The following RBKS variants were observed in gnomAD, a reference collection of about 807,000 sequenced individuals.
RBKS encodes the protein ribokinase.
A neutral mutation model predicts 33.9 loss-of-function variants in RBKS; 33 were observed. That is an observed-to-expected ratio of 0.97 (90% CI 0.74 to 1.30). RBKS has a LOEUF of 1.30. Ranked by LOEUF, RBKS falls within the 50% of genes most tolerant of loss-of-function variation. The pLI is 0.00. For missense variants in RBKS, 361 were observed against 392.6 expected, an observed-to-expected ratio of 0.92 and a Z score of 0.68; for synonymous variants, 125 against 143.0, an observed-to-expected ratio of 0.87 and a Z score of 0.90.
chr2:27,827,704 C>G lies in RBKS; in HGVS notation c.658G>C (p.Ala220Pro). ...CCCCTTTTCAAGAGCACTAATGCAG[C>G]CTCCCCAGCATCTGCAGCGCTGCCC... ...TVGSAADAGE[A>P]ALVLLKRGCQ... Residue 220 changes from alanine to proline, a missense_variant, in exon 7 of 8, where the codon GCT becomes CCT. Ala to Pro is a conservative substitution (Grantham distance 27, BLOSUM62 -1). Coordinates refer to ENST00000302188, the MANE Select transcript of RBKS (RefSeq NM_022128.3). The G allele has an allele frequency of 6.2e-7, 1 of 1,612,972 alleles. No individual in the cohort carries two copies. The highest frequency in any genetic ancestry group is 8.5e-7 in the Non-Finnish European group (1 of 1,179,592).
At chr2:27,781,844 C>CAACTGTTAGCTAGT in intron 7 of RBKS, 56 bp from the exon 8 acceptor site, 1 of 1,426,572 alleles carries the variant, frequency 7.0e-7, no homozygotes. Flanking sequence ...GTTGCCCAAA[C>CAACTGTTAGCTAGT]TGCATATTTT....
At chr2:27,785,583 T>C (rs1677381796) in intron 7 of RBKS, among the ~76,000 whole-genome samples, 1 of 151,726 alleles carries the variant, frequency 6.6e-6, no homozygotes, top group Admixed American at 6.6e-5. Context: ...GCCAAGATGG[T>C]GAAACCCTGT....
chr2:27,855,301 G>C (rs1311132033), intron 2 of RBKS, among the ~76,000 whole-genome samples: 1 of 152,240 alleles, frequency 6.6e-6, no homozygotes, highest in Non-Finnish European at 1.5e-5. Context: ...TCTCACATTT[G>C]AAGGAAGCAA....
chr2:27,786,936 C>CTT (rs1677416940), intron 7 of RBKS, among the ~76,000 whole-genome samples: 1 of 152,184 alleles, frequency 6.6e-6, no homozygotes, highest in Non-Finnish European at 1.5e-5. Flanking sequence ...TAGGCAGCAA[C>CTT]GATTCTCACA....
At chr2:27,876,698 C>A (rs950642573) in intron 1 of RBKS, among the ~76,000 whole-genome samples, 1 of 151,958 alleles carries the variant, frequency 6.6e-6, no homozygotes, top group African/African-American at 2.4e-5. Context: ...ATAAGAACAT[C>A]ATTTCCATTT....
intron 7 of RBKS, among the ~76,000 whole-genome samples, chr2:27,793,990 T>TA (rs1401825004): frequency 2.6e-5 from 4 of 152,114 alleles, no homozygotes; most frequent in African/African-American, 7.2e-5. Flanking sequence ...TTTTTAAAAA[T>TA]AAAAAATTTT....
intron 7 of RBKS, among the ~76,000 whole-genome samples, chr2:27,803,582 T>A (rs188994676): frequency 2.6e-5 from 4 of 151,724 alleles, no homozygotes; most frequent in African/African-American, 9.7e-5. Flanking sequence ...CCCGCCTGCT[T>A]GGGAGGCAGA....
At chr2:27,806,966 T>G (rs569356384) in intron 7 of RBKS, among the ~76,000 whole-genome samples, 2 of 152,204 alleles carry the variant, frequency 1.3e-5, no homozygotes, top group Non-Finnish European at 2.9e-5. Context: ...AATTTATTTC[T>G]GGAAAGAGTG....
intron 1 of RBKS, among the ~76,000 whole-genome samples, chr2:27,872,827 G>A (rs1021665686): frequency 2.0e-5 from 3 of 152,148 alleles, no homozygotes; most frequent in African/African-American, 7.2e-5. Context: ...AAACACCACA[G>A]CTGAACACCC....
At chr2:27,885,956 TAA>T (rs953174663) in intron 1 of RBKS, among the ~76,000 whole-genome samples, 2 of 152,228 alleles carry the variant, frequency 1.3e-5, no homozygotes, top group African/African-American at 4.8e-5. Flanking sequence ...GCCTAACGTC[TAA>T]AAATATTCAC....
chr2:27,889,976 C>T (rs1261297523), intron 1 of RBKS: 1 of 341,410 alleles, frequency 2.9e-6, no homozygotes, highest in African/African-American at 2.1e-5. Flanking sequence ...TTTGGGGGCG[C>T]AAGTCTTTGG....
At position 27,840,522 on chromosome 2, in the gene RBKS, C is replaced by G. The variant is rs114187716; in HGVS notation, c.514+2545G>C. ...ACACATGAGTGTGTGTGCTTGTGTG[C>G]ATGTGTGTTCGTGTGTGTGTGTGTA... On this transcript the variant is annotated intron_variant, in intron 5 of 7. Coordinates refer to ENST00000302188, the MANE Select transcript of RBKS (RefSeq NM_022128.3). Among the ~76,000 whole-genome samples, 1,184 of 152,010 alleles carry G rather than the reference C, an allele frequency of 7.8e-3. 12 individuals are homozygous for G. The highest frequency in any genetic ancestry group is 0.027 in the African/African-American group (1,115 of 41,482).
chr2:27,808,775 A>G (rs2148192808), intron 7 of RBKS, among the ~76,000 whole-genome samples: 1 of 152,338 alleles, frequency 6.6e-6, no homozygotes, highest in East Asian at 1.9e-4. Context: ...ATGTAGATAT[A>G]CTGTCTTGTA....
At chr2:27,847,177 A>G (rs1413364486) in intron 3 of RBKS, 73 bp from the exon 4 acceptor site, 3 of 872,018 alleles carry the variant, frequency 3.4e-6, no homozygotes, top group Non-Finnish European at 5.7e-6. Context: ...CAATTTCAAT[A>G]CAACACTAAT....
At chr2:27,813,697 A>C (rs941174748) in intron 7 of RBKS, among the ~76,000 whole-genome samples, 8 of 152,084 alleles carry the variant, frequency 5.3e-5, no homozygotes, top group Non-Finnish European at 7.4e-5. Flanking sequence ...AGAGAGAGAG[A>C]GAGCGAATAT....
chr2:27,889,993 G>C (rs1294877895), intron 1 of RBKS: 1 of 371,368 alleles, frequency 2.7e-6, no homozygotes. Flanking sequence ...TTGGAGGGCA[G>C]GTCTTTGGGG....
At chr2:27,835,673 C>T (rs970724993) in intron 5 of RBKS, among the ~76,000 whole-genome samples, 1 of 150,774 alleles carries the variant, frequency 6.6e-6, no homozygotes, top group Non-Finnish European at 1.5e-5. Context: ...GATCCTCACA[C>T]CTTGGCCTCC....
chr2:27,812,184 A>G (rs956217215), intron 7 of RBKS, among the ~76,000 whole-genome samples: 3 of 152,216 alleles, frequency 2.0e-5, no homozygotes, highest in African/African-American at 7.2e-5. Flanking sequence ...ATACCATCTC[A>G]CACCAGTTAA....
Position 27,812,828 on chromosome 2 carries a change from C to T in RBKS, c.795+14739G>A, listed in dbSNP as rs187915785. ...ATACGTAACAAACCTGCACATTGTG[C>T]ACATGTAACCTAGAACTTAAAGTAT... is the stretch of plus-strand genomic sequence containing the variant. On this transcript the variant is annotated intron_variant, in intron 7 of 7. Transcript: ENST00000302188. 6.1e-3 allele frequency among the ~76,000 whole-genome samples: 925 copies of T among 150,864 alleles called. 7 individuals are homozygous for T. The highest frequency in any genetic ancestry group is 7.4e-3 in the Non-Finnish European group (504 of 67,834).
Sources: gnomAD v4.1 joint callset for allele counts (sites outside exome capture counted in the v4.1 genomes callset) on GRCh38, gnomAD v4.1.1 for gene constraint, MANE v1.5 for transcripts, NCBI Gene and HGNC (gene_info 2026-07-23, HGNC 2026-07-21) for gene names.